Variants in FUT9 observed in about 807,000 individuals in gnomAD.
The protein encoded by FUT9 is 4-galactosyl-N-acetylglucosaminide 3-alpha-L-fucosyltransferase 9.
Under a neutral mutation model 29.7 loss-of-function variants are expected in FUT9, and 15 were observed. The observed-to-expected ratio is 0.51, with a 90% CI of 0.34 to 0.78. The LOEUF (loss-of-function observed/expected upper bound fraction) is 0.78, where lower values mean the gene tolerates loss of function less well. Among genes scored for constraint, FUT9 ranks in the 30% least tolerant of loss-of-function variants. The probability of loss-of-function intolerance (pLI) is 0.01; values close to 1 mark genes in which losing one functional copy is unlikely to be tolerated. For synonymous variants in FUT9, 169 were observed against 153.7 expected (o/e 1.10, Z -0.74); for missense variants, 319 against 425.4 (o/e 0.75, Z 2.20).
intron 1 of FUT9, among the ~76,000 whole-genome samples, chr6:96,100,279 A>ATG (rs1771567493): frequency 3.7e-5 from 5 of 134,304 alleles, no homozygotes; most frequent in Admixed American, 2.3e-4. Context: ...ACACACACAT[A>ATG]TAATATTTAA....
chr6:96,193,623 A>C (rs1773563258), intron 2 of FUT9, among the ~76,000 whole-genome samples: 1 of 152,088 alleles, frequency 6.6e-6, no homozygotes, highest in African/African-American at 2.4e-5. Flanking sequence ...AACTAGTTCA[A>C]CCGTTGTGGA....
intron 2 of FUT9, among the ~76,000 whole-genome samples, chr6:96,161,050 T>C (rs1461453739): frequency 6.6e-6 from 1 of 152,164 alleles, no homozygotes; most frequent in African/African-American, 2.4e-5. Flanking sequence ...AAAATCTAGA[T>C]TCATTTTGTA....
At chr6:96,032,246 G>A (rs758065662) in intron 1 of FUT9, among the ~76,000 whole-genome samples, 2 of 151,590 alleles carry the variant, frequency 1.3e-5, no homozygotes, top group East Asian at 3.9e-4. Flanking sequence ...TTTATTGAAT[G>A]AGCCTCTTTT....
intron 1 of FUT9, among the ~76,000 whole-genome samples, chr6:96,099,169 T>C (rs755273949): frequency 6.6e-6 from 1 of 152,182 alleles, no homozygotes; most frequent in African/African-American, 2.4e-5. Flanking sequence ...CAATTTTCTC[T>C]GGACTTATTC....
At chr6:96,097,531 A>G (rs1277847780) in intron 1 of FUT9, among the ~76,000 whole-genome samples, 1 of 152,166 alleles carries the variant, frequency 6.6e-6, no homozygotes, top group African/African-American at 2.4e-5. Context: ...TATGAGGTAG[A>G]TATTATAGTC....
rs571342376 is a variant in FUT9 at position 96,195,402 on chromosome 6, A to C, written c.-8-7746A>C. ...CCCTTGGAAATACCAGGGATTATAT[A>C]TAAGGATCTTTGAGAAAGGTTCACA... is the stretch of plus-strand genomic sequence containing the variant. On this transcript the variant is annotated intron_variant, in intron 2 of 2. Transcript: ENST00000302103. 5.9e-5 allele frequency among the ~76,000 whole-genome samples: 9 copies of C among 152,304 alleles called. No homozygotes were observed. The East Asian group carries it at 7.7e-4, about 13-fold the overall frequency.
chr6:96,133,286 T>A (rs1772281664), intron 2 of FUT9, among the ~76,000 whole-genome samples: 1 of 151,908 alleles, frequency 6.6e-6, no homozygotes, highest in African/African-American at 2.4e-5. Context: ...AGGTGGAACT[T>A]TTAAGAAATT....
chr6:96,176,246 TC>T (rs1183180001), intron 2 of FUT9, among the ~76,000 whole-genome samples: 1 of 152,158 alleles, frequency 6.6e-6, no homozygotes, highest in African/African-American at 2.4e-5. Context: ...ATTTCAGCCC[TC>T]CATAATCACA....
intron 2 of FUT9, among the ~76,000 whole-genome samples, chr6:96,163,372 A>G (rs1206467215): frequency 6.7e-6 from 1 of 150,014 alleles, no homozygotes; most frequent in Non-Finnish European, 1.5e-5. Flanking sequence ...ATACTTCTAT[A>G]TTTGAGTTAT....
In FUT9 at chr6:96,097,798, C is replaced by T. The variant is rs531278531; in HGVS notation, c.-97-16241C>T. ...AATGTATATTCACTTTGTATTTTATCATTATGTGTCTGTGAATATACATAA... is the reference window on the plus strand; with the variant it reads ...AATGTATATTCACTTTGTATTTTATTATTATGTGTCTGTGAATATACATAA... On this transcript the variant is annotated intron_variant, in intron 1 of 2. Coordinates refer to ENST00000302103, the MANE Select transcript of FUT9 (RefSeq NM_006581.4). Among the ~76,000 whole-genome samples the T allele has an allele frequency of 2.0e-3, 303 of 152,232 alleles. 3 individuals carry two copies. Among genetic ancestry groups the T allele is most frequent in the Admixed American group, 3.3e-3 (51 of 15,276 alleles).
chr6:96,121,509 G>T lies in FUT9; in HGVS notation c.-9+7382G>T, dbSNP rs551203049. 9.6e-4 allele frequency among the ~76,000 whole-genome samples: 146 copies of T among 152,286 alleles called. 1 individual carries two copies. The South Asian group carries it at 0.021, about 22-fold the overall frequency. ...TTATGTTATCAAGTAGTTAGAATAAGTAGAGGCAGATAAAAATACCCTAAA... is the reference window on the plus strand; with the variant it reads ...TTATGTTATCAAGTAGTTAGAATAATTAGAGGCAGATAAAAATACCCTAAA... On this transcript the variant is annotated intron_variant, in intron 2 of 2. Transcript: ENST00000302103.
At chr6:96,187,772 C>T (rs1289217176) in intron 2 of FUT9, among the ~76,000 whole-genome samples, 5 of 152,072 alleles carry the variant, frequency 3.3e-5, no homozygotes. Flanking sequence ...AACTCTGGGA[C>T]ATAAGTGAAA....
intron 1 of FUT9, among the ~76,000 whole-genome samples, chr6:96,042,245 A>G (rs1770474936): frequency 6.6e-6 from 1 of 152,192 alleles, no homozygotes; most frequent in Non-Finnish European, 1.5e-5. Context: ...ACATGGAGGC[A>G]AGTATCAGAA....
chr6:96,067,898 G>T (rs1195901780), intron 1 of FUT9, among the ~76,000 whole-genome samples: 1 of 152,062 alleles, frequency 6.6e-6, no homozygotes, highest in Non-Finnish European at 1.5e-5. Flanking sequence ...TCATAGGATT[G>T]TTGTGATGAT....
chr6:96,159,733 G>A (rs187036529), intron 2 of FUT9, among the ~76,000 whole-genome samples: 1 of 152,158 alleles, frequency 6.6e-6, no homozygotes. Context: ...TTTAATAACT[G>A]TTAAAAATGA....
chr6:96,182,134 G>T (rs573505621), intron 2 of FUT9, among the ~76,000 whole-genome samples: 1 of 151,976 alleles, frequency 6.6e-6, no homozygotes, highest in South Asian at 2.1e-4. Context: ...CAGGAGTAAG[G>T]GTATCACCTT....
chr6:96,022,746 T>G (rs1337681910), intron 1 of FUT9, among the ~76,000 whole-genome samples: 1 of 151,860 alleles, frequency 6.6e-6, no homozygotes, highest in Non-Finnish European at 1.5e-5. Flanking sequence ...GAATCTGAGT[T>G]GGTACACCCC....
At chr6:96,059,598 A>T (rs759876863) in intron 1 of FUT9, among the ~76,000 whole-genome samples, 28 of 152,180 alleles carry the variant, frequency 1.8e-4, no homozygotes, top group Non-Finnish European at 3.5e-4. Flanking sequence ...GGAGATTTTT[A>T]AAATCATCTT....
intron 1 of FUT9, among the ~76,000 whole-genome samples, chr6:96,091,741 G>T (rs1275253548): frequency 1.3e-5 from 2 of 152,084 alleles, no homozygotes; most frequent in Non-Finnish European, 2.9e-5. Context: ...TGAAGGGTTT[G>T]TAGGTGATCT....
Sources: gnomAD v4.1 joint callset for allele counts (sites outside exome capture counted in the v4.1 genomes callset) on GRCh38, gnomAD v4.1.1 for gene constraint, MANE v1.5 for transcripts, NCBI Gene and HGNC (gene_info 2026-07-23, HGNC 2026-07-21) for gene names.